The following LRMDA variants were observed in gnomAD, a reference collection of about 807,000 sequenced individuals.
LRMDA encodes the protein leucine rich melanocyte differentiation associated, also known as leucine-rich melanocyte differentiation-associated protein.
In LRMDA, 18 loss-of-function variants were observed where a neutral mutation model predicts 29.8. The ratio of observed to expected loss-of-function variants is 0.60; its 90% CI spans 0.42 to 0.90. The LOEUF (loss-of-function observed/expected upper bound fraction) is 0.90, where lower values mean the gene tolerates loss of function less well. LRMDA is among the 40% of genes least tolerant of loss of function. The pLI is 0.00. For missense variants in LRMDA, 273 were observed against 273.9 expected (o/e 1.00, Z 0.02); for synonymous variants, 125 against 109.4 (o/e 1.14, Z -0.89).
rs543777695 is a variant in LRMDA, at chr10:75,449,025, G to A, written c.131+10531G>A. 8.5e-5 allele frequency among the ~76,000 whole-genome samples: 13 copies of A among 152,086 alleles called. No individual in the cohort carries two copies. The East Asian group carries it at 2.3e-3, about 27-fold the overall frequency. On this transcript the variant is annotated intron_variant, in intron 2 of 6. Coordinates refer to ENST00000611255, the MANE Select transcript of LRMDA (RefSeq NM_001305581.2). ...AAATTAGCCAGGTGTGGTGGCATGC[G>A]CCTGTAATCCAAGCTACTCGGGAGG...
At chr10:76,531,384 C>T (rs552518190) in intron 6 of LRMDA, among the ~76,000 whole-genome samples, 1 of 152,220 alleles carries the variant, frequency 6.6e-6, no homozygotes, top group Admixed American at 6.5e-5. Context: ...GGAGGAAATG[C>T]ATTAAGTCTT....
At chr10:76,175,587 A>G (rs11001667) in intron 5 of LRMDA, among the ~76,000 whole-genome samples, 28,802 of 152,204 alleles carry the variant, frequency 0.19, 3,194 homozygotes, top group East Asian at 0.52. Context: ...CACAAACCAA[A>G]GTGAGGACAC....
intron 2 of LRMDA, among the ~76,000 whole-genome samples, chr10:76,022,442 G>T (rs994846364): frequency 1.8e-4 from 28 of 152,324 alleles, no homozygotes; most frequent in Middle Eastern, 3.4e-3. Context: ...GCCTTATGAT[G>T]TTTTCACAAG....
intron 2 of LRMDA, among the ~76,000 whole-genome samples, chr10:76,011,294 A>G (rs752162415): frequency 8.1e-4 from 124 of 152,184 alleles, no homozygotes; most frequent in Non-Finnish European, 1.6e-3. Flanking sequence ...GCCAGTCAGG[A>G]AAGGGGTCTG....
In LRMDA at chr10:76,017,993, G is replaced by A. The variant is rs560927999; in HGVS notation, c.132-18015G>A. On this transcript the variant is annotated intron_variant, in intron 2 of 6. Coordinates refer to ENST00000611255, the MANE Select transcript of LRMDA (RefSeq NM_001305581.2). ...TTGAGAAAGTTCTATTACTTTCCTCGTGAAGACTGACATCTGTGCCATCTC... is the reference window on the plus strand; with the variant it reads ...TTGAGAAAGTTCTATTACTTTCCTCATGAAGACTGACATCTGTGCCATCTC... Among the ~76,000 whole-genome samples the A allele has an allele frequency of 6.6e-5, 10 of 152,296 alleles. No individual in the cohort carries two copies. In the East Asian group the frequency reaches 1.2e-3, roughly 18 times the overall value.
rs1453523649 is a variant in LRMDA, at chr10:75,893,956, A to AC, written c.132-142052_132-142051insC. On this transcript the variant is annotated intron_variant, in intron 2 of 6. Transcript: ENST00000611255. ...ACAAAAAAAAAAAAACAAAAAAAAA[A>AC]GAAAGAAAAGTTCTCTGGGTGATTC... Among the ~76,000 whole-genome samples the AC allele has an allele frequency of 2.6e-5, 4 of 151,854 alleles. No individual in the cohort carries two copies. In the East Asian group the frequency reaches 5.8e-4, roughly 22 times the overall value.
At chr10:75,812,524 G>T (rs983992863) in intron 2 of LRMDA, among the ~76,000 whole-genome samples, 1 of 152,164 alleles carries the variant, frequency 6.6e-6, no homozygotes, top group African/African-American at 2.4e-5. Context: ...TTCTTTGCCA[G>T]TTAATGATTT....
At chr10:76,081,769 G>A (rs1849052771) in intron 5 of LRMDA, among the ~76,000 whole-genome samples, 1 of 152,108 alleles carries the variant, frequency 6.6e-6, no homozygotes, top group Admixed American at 6.5e-5. Flanking sequence ...TATAAAATGT[G>A]TGTATGTACA....
At chr10:75,992,191 CAA>C (rs145556813) in intron 2 of LRMDA, among the ~76,000 whole-genome samples, 1,710 of 152,274 alleles carry the variant, frequency 0.011, 11 homozygotes, top group Middle Eastern at 0.031. Flanking sequence ...TAGCAAGTCT[CAA>C]AGTCTCACAG....
In LRMDA at chr10:76,122,985, A is replaced by G. The variant is rs78000003; in HGVS notation, c.516+64202A>G. 4.9e-3 allele frequency among the ~76,000 whole-genome samples: 750 copies of G among 152,280 alleles called. 3 individuals carry two copies. Among genetic ancestry groups the G allele is most frequent in the Non-Finnish European group, 8.9e-3 (608 of 68,016 alleles). ...ATCTAGGATGATCCGAAGGATTCCC[A>G]GATCTGGGCATTTTATTCTGTGCTT... On this transcript the variant is annotated intron_variant, in intron 5 of 6. Coordinates refer to ENST00000611255, the MANE Select transcript of LRMDA (RefSeq NM_001305581.2).
chr10:76,219,231 A>G (rs1183292956), intron 5 of LRMDA, among the ~76,000 whole-genome samples: 1 of 152,214 alleles, frequency 6.6e-6, no homozygotes, highest in Non-Finnish European at 1.5e-5. Context: ...ACCAGCTAAC[A>G]TCATAATGAC....
intron 2 of LRMDA, among the ~76,000 whole-genome samples, chr10:75,653,890 G>A (rs1841633224): frequency 6.6e-6 from 1 of 152,124 alleles, no homozygotes; most frequent in Admixed American, 6.5e-5. Flanking sequence ...TGCCTGCTAG[G>A]TATACCCTTT....
intron 5 of LRMDA, among the ~76,000 whole-genome samples, chr10:76,149,921 G>A (rs1277453023): frequency 6.6e-6 from 1 of 152,188 alleles, no homozygotes; most frequent in Non-Finnish European, 1.5e-5. Flanking sequence ...CCTGGTTGAT[G>A]AGGGGAAGCC....
At chr10:76,488,433 G>GT (rs1177313179) in intron 6 of LRMDA, among the ~76,000 whole-genome samples, 1 of 151,086 alleles carries the variant, frequency 6.6e-6, no homozygotes, top group African/African-American at 2.4e-5. Context: ...AATATGTACT[G>GT]TTTTTTCTGG....
At chr10:75,692,554 C>T (rs1473537708) in intron 2 of LRMDA, among the ~76,000 whole-genome samples, 2 of 133,870 alleles carry the variant, frequency 1.5e-5, no homozygotes, top group Non-Finnish European at 3.1e-5. Context: ...TACACATATA[C>T]ATATGTATAC....
At chr10:76,170,860 A>G (rs959117621) in intron 5 of LRMDA, among the ~76,000 whole-genome samples, 3 of 152,244 alleles carry the variant, frequency 2.0e-5, no homozygotes, top group Admixed American at 6.5e-5. Context: ...AAACTAAAAA[A>G]TATTATCTGT....
At chr10:76,007,031 TGC>T (rs796539226) in intron 2 of LRMDA, among the ~76,000 whole-genome samples, 598 of 26,954 alleles carry the variant, frequency 0.022, 32 homozygotes, top group African/African-American at 0.054. Context: ...TGTGTGTGTG[TGC>T]GCGTGTGTGT....
At chr10:75,705,811 C>T (rs117044903) in intron 2 of LRMDA, among the ~76,000 whole-genome samples, 1 of 152,350 alleles carries the variant, frequency 6.6e-6, no homozygotes, top group East Asian at 1.9e-4. Context: ...CTGGGAAACC[C>T]TGGTGGCTAT....
chr10:76,461,275 A>G (rs1842509321), intron 6 of LRMDA, among the ~76,000 whole-genome samples: 1 of 152,128 alleles, frequency 6.6e-6, no homozygotes, highest in South Asian at 2.1e-4. Flanking sequence ...CAAGAACCAA[A>G]GTCCTGTGTA....
Sources: allele counts gnomAD v4.1 joint callset (sites outside exome capture counted in the v4.1 genomes callset), GRCh38; gene constraint gnomAD v4.1.1; transcripts MANE v1.5; gene names NCBI Gene and HGNC (gene_info 2026-07-23, HGNC 2026-07-21).